Variants in TENM2 observed in about 807,000 individuals in gnomAD.
The protein encoded by TENM2 is teneurin-2.
In TENM2, 52 loss-of-function variants were observed where a neutral mutation model predicts 245.2. That is an observed-to-expected ratio of 0.21 (90% CI 0.17 to 0.27). The LOEUF (loss-of-function observed/expected upper bound fraction) is 0.27. Among genes scored for constraint, TENM2 ranks in the 10% least tolerant of loss-of-function variants. TENM2 has a pLI of 1.00. For synonymous variants in TENM2, 1,363 were observed against 1,438.9 expected, an observed-to-expected ratio of 0.95 and a Z score of 1.19; for missense variants, 3,046 against 3,666.8, an observed-to-expected ratio of 0.83 and a Z score of 4.37.
the TENM2 span, among the ~76,000 whole-genome samples, chr5:167,040,050 T>C: frequency 6.6e-6 from 1 of 152,156 alleles, no homozygotes; most frequent in Admixed American, 6.5e-5. Context: ...GAAATAGGAT[T>C]TGTAAGGTTC....
chr5:167,304,290 A>G (rs569172069), intron 1 of TENM2, among the ~76,000 whole-genome samples: 3 of 152,348 alleles, frequency 2.0e-5, no homozygotes, highest in Admixed American at 6.5e-5. Flanking sequence ...GGCTAACTGT[A>G]TAACTCTTCC....
At chr5:168,159,171 G>T (rs1050909572) in intron 12 of TENM2, among the ~76,000 whole-genome samples, 39 of 151,810 alleles carry the variant, frequency 2.6e-4, no homozygotes, top group African/African-American at 8.9e-4. Flanking sequence ...AATAAAAAGT[G>T]TCTTCAGACA....
intron 2 of TENM2, among the ~76,000 whole-genome samples, chr5:167,585,010 T>C (rs1775384484): frequency 6.6e-6 from 1 of 152,190 alleles, no homozygotes; most frequent in Non-Finnish European, 1.5e-5. Context: ...CAATAACTCT[T>C]GAATGAATGT....
At chr5:167,328,143 A>ATC (rs1757198596) in intron 1 of TENM2, among the ~76,000 whole-genome samples, 1 of 151,568 alleles carries the variant, frequency 6.6e-6, no homozygotes, top group South Asian at 2.1e-4. Flanking sequence ...AAAAAAAAAA[A>ATC]ATCAGTTTTC....
intron 4 of TENM2, among the ~76,000 whole-genome samples, chr5:167,992,406 G>A (rs866219631): frequency 5.3e-5 from 8 of 152,144 alleles, no homozygotes; most frequent in African/African-American, 1.9e-4. Flanking sequence ...TCAATAGTAG[G>A]TATCTAGCTC....
At chr5:167,221,636 CAT>C in the TENM2 span, among the ~76,000 whole-genome samples, 17 of 152,248 alleles carry the variant, frequency 1.1e-4, no homozygotes, top group African/African-American at 3.9e-4. Flanking sequence ...GTGACATTCA[CAT>C]GTTTAATTTT....
intron 9 of TENM2, among the ~76,000 whole-genome samples, chr5:168,106,216 A>C (rs1452398485): frequency 6.6e-6 from 1 of 152,194 alleles, no homozygotes; most frequent in East Asian, 1.9e-4. Flanking sequence ...GGTTGGTTTC[A>C]GCTCCTACCC....
intron 2 of TENM2, among the ~76,000 whole-genome samples, chr5:167,742,231 T>C (rs925177955): frequency 2.0e-5 from 3 of 152,162 alleles, no homozygotes; most frequent in Non-Finnish European, 2.9e-5. Flanking sequence ...CCAGCCAAGA[T>C]ATTTGGAGCT....
At chr5:167,509,935 A>C (rs1769818064) in intron 2 of TENM2, among the ~76,000 whole-genome samples, 1 of 152,222 alleles carries the variant, frequency 6.6e-6, no homozygotes, top group Non-Finnish European at 1.5e-5. Context: ...ACAATATATC[A>C]TAGTTAAACC....
intron 2 of TENM2, among the ~76,000 whole-genome samples, chr5:167,429,006 G>C (rs986376617): frequency 1.3e-5 from 2 of 151,982 alleles, no homozygotes; most frequent in African/African-American, 2.4e-5. Context: ...ATCCCTTTCT[G>C]CATTCCCAGA....
intron 7 of TENM2, among the ~76,000 whole-genome samples, chr5:168,065,605 G>A (rs1790426058): frequency 6.6e-6 from 1 of 151,928 alleles, no homozygotes; most frequent in Non-Finnish European, 1.5e-5. Flanking sequence ...ATGTAGATAG[G>A]CAATTATACA....
At chr5:167,806,490 C>T (rs1766182852) in intron 2 of TENM2, among the ~76,000 whole-genome samples, 1 of 152,114 alleles carries the variant, frequency 6.6e-6, no homozygotes, top group South Asian at 2.1e-4. Flanking sequence ...TCACAGTACC[C>T]TTCTCTCCCG....
chr5:167,156,631 T>C, the TENM2 span, among the ~76,000 whole-genome samples: 1 of 152,124 alleles, frequency 6.6e-6, no homozygotes, highest in Admixed American at 6.5e-5. Context: ...CTGCTGTGAA[T>C]GGCATTGGGA....
intron 2 of TENM2, among the ~76,000 whole-genome samples, chr5:167,680,320 A>G (rs1327158696): frequency 6.6e-6 from 1 of 152,086 alleles, no homozygotes; most frequent in Non-Finnish European, 1.5e-5. Context: ...TTAAAAAAAA[A>G]AAAATCCCTA....
chr5:167,832,845 C>A (rs1370497894), intron 2 of TENM2, among the ~76,000 whole-genome samples: 1 of 150,974 alleles, frequency 6.6e-6, no homozygotes, highest in Non-Finnish European at 1.5e-5. Context: ...CTTCTCAATT[C>A]TGTCATATTC....
intron 2 of TENM2, among the ~76,000 whole-genome samples, chr5:167,407,957 G>C (rs1762719484): frequency 6.6e-6 from 1 of 152,164 alleles, no homozygotes; most frequent in East Asian, 1.9e-4. Flanking sequence ...ATGAAAAGAG[G>C]TGTCAGTATA....
chr5:167,595,797 A>C (rs908757486), intron 2 of TENM2, among the ~76,000 whole-genome samples: 22 of 152,194 alleles, frequency 1.4e-4, no homozygotes, highest in African/African-American at 5.3e-4. Flanking sequence ...GTACAAATAG[A>C]TCCTTGTTTA....
chr5:167,652,362 G>A (rs946364573), intron 2 of TENM2, among the ~76,000 whole-genome samples: 1 of 151,746 alleles, frequency 6.6e-6, no homozygotes, highest in African/African-American at 2.4e-5. Context: ...AATAATTTTG[G>A]GCTTATTCCT....
intron 6 of TENM2, among the ~76,000 whole-genome samples, chr5:168,049,890 C>G (rs914290635): frequency 2.0e-5 from 3 of 152,176 alleles, no homozygotes; most frequent in Non-Finnish European, 4.4e-5. Flanking sequence ...GCAACCTCCA[C>G]CTCCCCGGTT....
Sources: allele counts gnomAD v4.1 joint callset (sites outside exome capture counted in the v4.1 genomes callset), GRCh38; gene constraint gnomAD v4.1.1; transcripts MANE v1.5; gene names NCBI Gene and HGNC (gene_info 2026-07-23, HGNC 2026-07-21).